Variants in ESRRG observed in about 807,000 individuals in gnomAD.
ESRRG encodes the protein estrogen-related receptor gamma.
Under a neutral mutation model 44.0 loss-of-function variants are expected in ESRRG, and 13 were observed. That is an observed-to-expected ratio of 0.30 (90% confidence interval 0.19 to 0.47). The LOEUF is 0.47. Among genes scored for constraint, ESRRG ranks in the 20% least tolerant of loss-of-function variants. The pLI is 1.00. For synonymous variants in ESRRG, 215 were observed against 214.6 expected, an observed-to-expected ratio of 1.00 and a Z score of -0.02; for missense variants, 395 against 580.6, an observed-to-expected ratio of 0.68 and a Z score of 3.29.
intron 2 of ESRRG, among the ~76,000 whole-genome samples, chr1:216,934,028 C>T (rs183751685): frequency 4.6e-4 from 70 of 152,266 alleles, no homozygotes; most frequent in African/African-American, 1.5e-3. Flanking sequence ...GCTCAGTATG[C>T]GTATTTTATT....
intron 1 of ESRRG, among the ~76,000 whole-genome samples, chr1:216,948,649 A>T (rs1038905133): frequency 2.0e-5 from 3 of 151,930 alleles, no homozygotes; most frequent in Non-Finnish European, 4.4e-5. Context: ...ATTTGGGGGT[A>T]TTTGGGATTG....
At chr1:216,706,788 C>T (rs1426407697) in intron 1 of ESRRG, among the ~76,000 whole-genome samples, 1 of 152,200 alleles carries the variant, frequency 6.6e-6, no homozygotes, top group African/African-American at 2.4e-5. Flanking sequence ...TACCTAACTT[C>T]ACTAATCATC....
At chr1:216,753,848 G>A (rs1049100931) in intron 2 of ESRRG, among the ~76,000 whole-genome samples, 12 of 151,976 alleles carry the variant, frequency 7.9e-5, no homozygotes, top group South Asian at 2.1e-4. Context: ...GTGGGGAGTC[G>A]TAAGAAGGAC....
At chr1:216,640,491 GA>G (rs1287828272) in intron 3 of ESRRG, among the ~76,000 whole-genome samples, 151 of 5,752 alleles carry the variant, frequency 0.026, 1 homozygote, top group African/African-American at 0.14. Context: ...AAGTGAGGGA[GA>G]GAGAGAGAGA....
At chr1:216,852,948 A>G (rs2095864420) in intron 2 of ESRRG, among the ~76,000 whole-genome samples, 2 of 152,162 alleles carry the variant, frequency 1.3e-5, no homozygotes, top group Non-Finnish European at 2.9e-5. Flanking sequence ...AATATGCACC[A>G]GGTACTACCT....
At chr1:216,556,795 T>C (rs1166416437) in intron 5 of ESRRG, among the ~76,000 whole-genome samples, 1 of 151,976 alleles carries the variant, frequency 6.6e-6, no homozygotes, top group Non-Finnish European at 1.5e-5. Context: ...CACCACACAG[T>C]GAAGATGTTA....
chr1:216,988,190 A>G (rs1011144749), intron 1 of ESRRG, among the ~76,000 whole-genome samples: 1 of 152,190 alleles, frequency 6.6e-6, no homozygotes, highest in Non-Finnish European at 1.5e-5. Context: ...CTAGAGTTGC[A>G]TAATTCCTAT....
At chr1:216,974,941 T>C (rs973381011) in intron 1 of ESRRG, among the ~76,000 whole-genome samples, 3 of 152,106 alleles carry the variant, frequency 2.0e-5, no homozygotes, top group Admixed American at 6.6e-5. Flanking sequence ...TAAGAAGTAA[T>C]TTATAAATAT....
At position 216,964,106 on chromosome 1, in the gene ESRRG, C is replaced by T. The variant is rs931188847; in HGVS notation, c.-105-24433G>A. 2.6e-5 allele frequency among the ~76,000 whole-genome samples: 4 copies of T among 152,160 alleles called. No individual in the cohort carries two copies. In the South Asian group the frequency reaches 8.3e-4, roughly 32 times the overall value. ...CTGAAAGAAGGCAGGAAGACAGGTG[C>T]ACAGAATAGAGGATATGGAGTGAGA... On this transcript the variant is annotated intron_variant, in intron 1 of 7. Transcript: ENST00000359162.
chr1:216,734,419 G>A (rs186623332), intron 2 of ESRRG, among the ~76,000 whole-genome samples: 1 of 152,208 alleles, frequency 6.6e-6, no homozygotes, highest in African/African-American at 2.4e-5. Flanking sequence ...TGCTGTCCTC[G>A]CAGTGATGAG....
At chr1:216,940,456 C>T (rs756406857) in intron 1 of ESRRG, among the ~76,000 whole-genome samples, 15 of 152,130 alleles carry the variant, frequency 9.9e-5, no homozygotes, top group Non-Finnish European at 7.4e-5. Flanking sequence ...AATTCTGTGC[C>T]GAACTTGCAG....
chr1:216,906,655 A>C (rs933173681), intron 2 of ESRRG, among the ~76,000 whole-genome samples: 1 of 152,234 alleles, frequency 6.6e-6, no homozygotes, highest in African/African-American at 2.4e-5. Flanking sequence ...TTAATGTCAC[A>C]CACTAGTGAT....
intron 2 of ESRRG, among the ~76,000 whole-genome samples, chr1:216,828,879 A>G (rs2095440257): frequency 6.6e-6 from 1 of 152,132 alleles, no homozygotes; most frequent in African/African-American, 2.4e-5. Flanking sequence ...TATTTATAAT[A>G]ATTGATCATG....
chr1:216,544,176 T>G (rs578101433), intron 5 of ESRRG, among the ~76,000 whole-genome samples: 1 of 152,164 alleles, frequency 6.6e-6, no homozygotes, highest in African/African-American at 2.4e-5. Context: ...TCATTGTGCA[T>G]ATGATAATCA....
At chr1:217,115,034 G>T (rs1015158321) in intron 1 of ESRRG, among the ~76,000 whole-genome samples, 3 of 151,986 alleles carry the variant, frequency 2.0e-5, no homozygotes, top group African/African-American at 7.3e-5. Context: ...GCGGCACTCC[G>T]TGCTGCTGAG....
chr1:216,740,110 T>A (rs1476628648), intron 2 of ESRRG, among the ~76,000 whole-genome samples: 1 of 152,210 alleles, frequency 6.6e-6, no homozygotes, highest in Non-Finnish European at 1.5e-5. Context: ...CAATATTTTT[T>A]ATCTGGCTAC....
chr1:216,739,380 A>G (rs992039535), intron 2 of ESRRG, among the ~76,000 whole-genome samples: 2 of 152,206 alleles, frequency 1.3e-5, no homozygotes, highest in South Asian at 4.1e-4. Context: ...ACTCCTACAC[A>G]TAAACTATCT....
intron 1 of ESRRG, 126 bp from the exon 2 acceptor site, chr1:216,677,617 A>C: frequency 1.3e-6 from 1 of 794,914 alleles, no homozygotes. Context: ...TAAAAGGAGG[A>C]AAAAAACAGA....
intron 1 of ESRRG, among the ~76,000 whole-genome samples, chr1:216,980,909 CTCT>C (rs76055332): frequency 4.4e-5 from 3 of 68,544 alleles, no homozygotes; most frequent in African/African-American, 9.7e-5. Flanking sequence ...CTTTCATATG[CTCT>C]TCTCTCATCC....
Sources: gnomAD v4.1 joint callset for allele counts (sites outside exome capture counted in the v4.1 genomes callset) on GRCh38, gnomAD v4.1.1 for gene constraint, MANE v1.5 for transcripts, NCBI Gene and HGNC (gene_info 2026-07-23, HGNC 2026-07-21) for gene names.